Variants in CSMD1 observed in about 807,000 individuals in gnomAD.
CSMD1 encodes CUB and Sushi multiple domains 1, also known as CUB and sushi domain-containing protein 1.
CSMD1 carries 213 observed loss-of-function variants against 417.5 expected under a neutral mutation model. The ratio of observed to expected loss-of-function variants is 0.51; its 90% CI spans 0.46 to 0.57. CSMD1 has a LOEUF of 0.57. CSMD1 is among the 20% of genes least tolerant of loss of function. The probability of loss-of-function intolerance (pLI) is 0.00; values close to 1 mark genes in which losing one functional copy is unlikely to be tolerated. For synonymous variants in CSMD1, 2,862 were observed against 1,736.8 expected (o/e 1.65, Z -16.11); for missense variants, 6,923 against 4,529.7 (o/e 1.53, Z -15.17).
chr8:4,451,948 T>C (rs1019744489), intron 2 of CSMD1, among the ~76,000 whole-genome samples: 1 of 148,548 alleles, frequency 6.7e-6, no homozygotes, highest in East Asian at 1.9e-4. Context: ...TATTATTATA[T>C]ATAATATATA....
intron 5 of CSMD1, among the ~76,000 whole-genome samples, chr8:3,986,691 C>G (rs568671326): frequency 6.6e-6 from 1 of 152,252 alleles, no homozygotes; most frequent in African/African-American, 2.4e-5. Flanking sequence ...ATTTTACAAG[C>G]ATTTTACCAT....
At chr8:3,319,859 A>G (rs1421584469) in intron 23 of CSMD1, among the ~76,000 whole-genome samples, 2 of 152,190 alleles carry the variant, frequency 1.3e-5, no homozygotes, top group African/African-American at 4.8e-5. Context: ...GCTTATATTT[A>G]TATTTATTTG....
At chr8:4,142,183 G>A (rs894003321) in intron 3 of CSMD1, among the ~76,000 whole-genome samples, 3 of 151,116 alleles carry the variant, frequency 2.0e-5, no homozygotes, top group African/African-American at 4.9e-5. Context: ...CATGACTCAA[G>A]ATAATCACCA....
rs1056741646 is a variant in CSMD1, at chr8:4,258,574, G to T, written c.415+161379C>A. Reference sequence around the variant, plus strand: ...TGGAGGGAGGGAGGGAGGGAAGAATGGAAGGAAGGAGGGATGGAGGGAACC... The same window carrying T: ...TGGAGGGAGGGAGGGAGGGAAGAATTGAAGGAAGGAGGGATGGAGGGAACC... On this transcript the variant is annotated intron_variant, in intron 3 of 69. Transcript: ENST00000635120. 4.0e-5 allele frequency among the ~76,000 whole-genome samples: 6 copies of T among 151,680 alleles called. No homozygotes were observed. The South Asian group carries it at 8.4e-4, about 21-fold the overall frequency.
Position 3,369,294 on chromosome 8 carries a change from A to G in CSMD1, c.2859T>C (p.Ser953=). The G allele has an allele frequency of 6.2e-7, 1 of 1,605,388 alleles. No individual in the cohort carries two copies. Among genetic ancestry groups the G allele is most frequent in the Non-Finnish European group, 8.5e-7 (1 of 1,172,538 alleles). The change falls in exon 19 of 70, where the codon TCT becomes TCC. Residue 953 remains serine, a synonymous_variant. Transcript: ENST00000635120. ...SPGFPDFYPN[S]LNCTWTIEVS... ...CTTCAATGGTCCACGTGCAGTTTAGAGAGTTTGGATAAAAATCTGGAAACC... is the reference window on the plus strand; with the variant it reads ...CTTCAATGGTCCACGTGCAGTTTAGGGAGTTTGGATAAAAATCTGGAAACC...
intron 4 of CSMD1, among the ~76,000 whole-genome samples, chr8:4,006,421 G>C (rs966438828): frequency 9.2e-5 from 14 of 152,202 alleles, no homozygotes; most frequent in African/African-American, 3.1e-4. Context: ...GTCCATGCCT[G>C]TAATTCCAGC....
At chr8:3,648,525 T>TGTA (rs994044744) in intron 7 of CSMD1, among the ~76,000 whole-genome samples, 2 of 152,242 alleles carry the variant, frequency 1.3e-5, no homozygotes, top group Admixed American at 1.3e-4. Flanking sequence ...GAAAAGTTGT[T>TGTA]GTACGATTTA....
At chr8:3,348,275 A>G (rs1333568558) in intron 21 of CSMD1, 114 bp from the exon 22 acceptor site, 12 of 699,572 alleles carry the variant, frequency 1.7e-5, no homozygotes, top group East Asian at 3.0e-5. Flanking sequence ...TATGTGTGTT[A>G]GTAATATATT....
chr8:4,296,266 G>A (rs573101334), intron 3 of CSMD1, among the ~76,000 whole-genome samples: 2 of 152,052 alleles, frequency 1.3e-5, no homozygotes, highest in Admixed American at 1.3e-4. Context: ...TATAGCACCA[G>A]AATTCAGAAG....
chr8:3,292,508 C>T (rs11784119), intron 25 of CSMD1, among the ~76,000 whole-genome samples: 12,185 of 152,254 alleles, frequency 0.08, 635 homozygotes, highest in Non-Finnish European at 0.11. Context: ...AATCTGCGTG[C>T]TCCTGTATTG....
At chr8:3,219,934 A>G (rs559145249) in intron 28 of CSMD1, among the ~76,000 whole-genome samples, 91 of 152,208 alleles carry the variant, frequency 6.0e-4, no homozygotes, top group Non-Finnish European at 1.1e-3. Flanking sequence ...TTTTACTTAA[A>G]AAATGCAGTT....
At chr8:3,707,113 C>T (rs11998132) in intron 7 of CSMD1, among the ~76,000 whole-genome samples, 18,589 of 152,052 alleles carry the variant, frequency 0.12, 1,118 homozygotes, top group Non-Finnish European at 0.14. Context: ...TCTCAACCTG[C>T]GCAGGACTGA....
At chr8:3,328,441 C>T (rs1357571993) in intron 23 of CSMD1, among the ~76,000 whole-genome samples, 1 of 152,198 alleles carries the variant, frequency 6.6e-6, no homozygotes, top group Non-Finnish European at 1.5e-5. Flanking sequence ...TGCTAAATAT[C>T]TGCACAGAAT....
chr8:4,068,893 A>G (rs1319751211), intron 3 of CSMD1, among the ~76,000 whole-genome samples: 2 of 152,236 alleles, frequency 1.3e-5, no homozygotes, highest in South Asian at 2.1e-4. Context: ...ATGTAAAAAT[A>G]TGGTTATAAT....
chr8:4,832,832 GTGA>G lies in CSMD1; in HGVS notation c.85+161497_85+161499del, dbSNP rs1563530878. 3.9e-3 allele frequency among the ~76,000 whole-genome samples: 598 copies of G among 152,240 alleles called. 6 individuals carry two copies. The highest frequency in any genetic ancestry group is 0.014 in the African/African-American group (576 of 41,548). On this transcript the variant is annotated intron_variant, in intron 1 of 69. Transcript: ENST00000635120. ...CTCAGGGTCAGTCATCTCATACCCT[GTGA>G]TAAAAGCAGGTGCATGTGTGTGAGG...
chr8:3,437,782 CTG>C (rs1554552199), intron 12 of CSMD1, among the ~76,000 whole-genome samples: 1 of 150,320 alleles, frequency 6.7e-6, no homozygotes, highest in Non-Finnish European at 1.5e-5. Context: ...GAGTCTTGCT[CTG>C]TTGCCCAGGC....
At chr8:3,801,734 A>G (rs1276530647) in intron 5 of CSMD1, among the ~76,000 whole-genome samples, 1 of 152,186 alleles carries the variant, frequency 6.6e-6, no homozygotes, top group East Asian at 1.9e-4. Flanking sequence ...GCATTCACCA[A>G]CTGATGACTC....
intron 3 of CSMD1, among the ~76,000 whole-genome samples, chr8:4,197,342 G>C (rs533338368): frequency 6.6e-6 from 1 of 152,206 alleles, no homozygotes. Flanking sequence ...AGGATGCCCA[G>C]ATATTTGGTC....
At chr8:4,115,786 C>A (rs554644075) in intron 3 of CSMD1, among the ~76,000 whole-genome samples, 1 of 151,774 alleles carries the variant, frequency 6.6e-6, no homozygotes, top group Admixed American at 6.6e-5. Flanking sequence ...CATGAAAAGT[C>A]ATGGTGGAAT....
Sources: gnomAD v4.1 joint callset for allele counts (sites outside exome capture counted in the v4.1 genomes callset) on GRCh38, gnomAD v4.1.1 for gene constraint, MANE v1.5 for transcripts, NCBI Gene and HGNC (gene_info 2026-07-23, HGNC 2026-07-21) for gene names.